CCSER1: variants seen among roughly 807,000 people sequenced by gnomAD.
The protein encoded by CCSER1 is coiled-coil serine rich protein 1.
Under a neutral mutation model 82.0 loss-of-function variants are expected in CCSER1, and 41 were observed. That is an observed-to-expected ratio of 0.50 (90% CI 0.39 to 0.65). The LOEUF (loss-of-function observed/expected upper bound fraction) is 0.65, where lower values mean the gene tolerates loss of function less well. Among genes scored for constraint, CCSER1 ranks in the 30% least tolerant of loss-of-function variants. The probability of loss-of-function intolerance (pLI) is 0.00; values close to 1 mark genes in which losing one functional copy is unlikely to be tolerated. For missense variants in CCSER1, 1,119 were observed against 1,064.2 expected, an observed-to-expected ratio of 1.05 and a Z score of -0.72; for synonymous variants, 414 against 383.9, an observed-to-expected ratio of 1.08 and a Z score of -0.92.
intron 5 of CCSER1, 33 bp from the exon 6 acceptor site, chr4:90,627,992 T>G (rs771876668): frequency 1.3e-6 from 2 of 1,546,932 alleles, no homozygotes; most frequent in Admixed American, 1.7e-5. Context: ...CATGCTGCAC[T>G]GTAATTTTTG....
At chr4:90,230,992 C>G (rs1473012548) in intron 1 of CCSER1, among the ~76,000 whole-genome samples, 5 of 152,050 alleles carry the variant, frequency 3.3e-5, no homozygotes, top group Non-Finnish European at 7.4e-5. Flanking sequence ...ACCTTACCAA[C>G]CAAAAAGAGT....
intron 9 of CCSER1, among the ~76,000 whole-genome samples, chr4:91,076,138 T>C (rs548134428): frequency 6.6e-6 from 1 of 152,280 alleles, no homozygotes; most frequent in Admixed American, 6.5e-5. Flanking sequence ...TGGAAAATCC[T>C]CTTAAGCCAT....
intron 10 of CCSER1, among the ~76,000 whole-genome samples, chr4:91,158,609 T>C (rs998441606): frequency 7.0e-6 from 1 of 143,568 alleles, no homozygotes; most frequent in Non-Finnish European, 1.5e-5. Context: ...CATTTCTCTC[T>C]CCCTCTCTTT....
At chr4:91,017,034 G>A (rs976013160) in intron 9 of CCSER1, 5 of 152,152 alleles carry the variant, frequency 3.3e-5, no homozygotes, top group African/African-American at 1.2e-4. Flanking sequence ...GCCTCCCGAG[G>A]AGACTTAATA....
intron 10 of CCSER1, among the ~76,000 whole-genome samples, chr4:91,401,281 T>C (rs957245017): frequency 6.7e-6 from 1 of 148,844 alleles, no homozygotes; most frequent in African/African-American, 2.4e-5. Context: ...CTATGCTACA[T>C]AGATATACTA....
chr4:90,173,383 G>A (rs1349745667), intron 1 of CCSER1, among the ~76,000 whole-genome samples: 1 of 151,346 alleles, frequency 6.6e-6, no homozygotes, highest in Non-Finnish European at 1.5e-5. Flanking sequence ...AAGAAGCATT[G>A]TTCTAAATGG....
chr4:90,857,203 T>C (rs1230607921), intron 8 of CCSER1, among the ~76,000 whole-genome samples: 2 of 152,092 alleles, frequency 1.3e-5, no homozygotes. Flanking sequence ...TCAGCATCTC[T>C]CATAAAGCTG....
chr4:90,606,980 A>G (rs1254451869), intron 5 of CCSER1, among the ~76,000 whole-genome samples: 1 of 152,194 alleles, frequency 6.6e-6, no homozygotes, highest in East Asian at 1.9e-4. Flanking sequence ...TAAGTTCCCT[A>G]TTTATATGTT....
intron 1 of CCSER1, among the ~76,000 whole-genome samples, chr4:90,255,991 C>T (rs1158280723): frequency 6.6e-6 from 1 of 152,136 alleles, no homozygotes; most frequent in African/African-American, 2.4e-5. Context: ...AATGATAGAA[C>T]TGTGGCATTT....
intron 10 of CCSER1, among the ~76,000 whole-genome samples, chr4:91,394,785 AAC>A (rs1263747343): frequency 5.9e-5 from 9 of 152,022 alleles, no homozygotes; most frequent in African/African-American, 1.9e-4. Flanking sequence ...TATAACAAAA[AAC>A]CTTCTAGATG....
At chr4:90,921,449 C>T (rs1025842639) in intron 8 of CCSER1, among the ~76,000 whole-genome samples, 1 of 151,930 alleles carries the variant, frequency 6.6e-6, no homozygotes, top group African/African-American at 2.4e-5. Flanking sequence ...GTAACAATGA[C>T]ATCCCTTGAA....
At chr4:90,910,327 A>G (rs1726143860) in intron 8 of CCSER1, among the ~76,000 whole-genome samples, 1 of 152,192 alleles carries the variant, frequency 6.6e-6, no homozygotes, top group Non-Finnish European at 1.5e-5. Flanking sequence ...AAAAAGCAAA[A>G]CAAAACTACA....
At chr4:90,377,827 A>G (rs971745092) in intron 3 of CCSER1, among the ~76,000 whole-genome samples, 1 of 152,154 alleles carries the variant, frequency 6.6e-6, no homozygotes. Flanking sequence ...TGATAATTAG[A>G]TAAATTAACT....
intron 7 of CCSER1, among the ~76,000 whole-genome samples, chr4:90,780,004 C>T (rs1753530185): frequency 6.6e-6 from 1 of 152,184 alleles, no homozygotes. Context: ...CTGAATTAAC[C>T]GAGCCTGGAA....
chr4:90,188,229 G>T (rs78669386), intron 1 of CCSER1, among the ~76,000 whole-genome samples: 3 of 151,560 alleles, frequency 2.0e-5, no homozygotes, highest in African/African-American at 7.3e-5. Context: ...TTCCTCTAGG[G>T]TATCTTTTAA....
chr4:91,535,693 G>C (rs1033256905), intron 10 of CCSER1, among the ~76,000 whole-genome samples: 2 of 150,346 alleles, frequency 1.3e-5, no homozygotes, highest in Admixed American at 6.6e-5. Flanking sequence ...AAAAGAAACA[G>C]TGAAAACATG....
rs571264891 is a variant in CCSER1 at position 91,020,407 on chromosome 4, C to A, written c.2173-65543C>A. On this transcript the variant is annotated intron_variant, in intron 9 of 10. Transcript: ENST00000509176. Reference sequence around the variant, plus strand: ...GCCGGGTGCGGTGGCTCACACCTGTCATCCCAGCACTTTGGGAGGCCAAGG... The same window carrying A: ...GCCGGGTGCGGTGGCTCACACCTGTAATCCCAGCACTTTGGGAGGCCAAGG... Among the ~76,000 whole-genome samples the A allele has an allele frequency of 2.6e-5, 4 of 152,198 alleles. No individual in the cohort carries two copies. The East Asian group carries it at 7.7e-4, about 29-fold the overall frequency.
intron 10 of CCSER1, among the ~76,000 whole-genome samples, chr4:91,328,325 G>C (rs1362267297): frequency 6.6e-6 from 1 of 152,208 alleles, no homozygotes; most frequent in African/African-American, 2.4e-5. Flanking sequence ...TACAATCATG[G>C]CCAAAGGTAA....
At position 91,084,830 on chromosome 4, in the gene CCSER1, G is replaced by A. The variant is rs146948059; in HGVS notation, c.2173-1120G>A. Among the ~76,000 whole-genome samples, 1,196 of 152,046 alleles carry A rather than the reference G, an allele frequency of 7.9e-3. 16 individuals are homozygous for A. Among genetic ancestry groups the A allele is most frequent in the African/African-American group, 0.026 (1,073 of 41,510 alleles). ...TAAAATAAAATGGTTTAGTTAATAT[G>A]TATGTTCATGTGTTTTTATCTAAAC... On this transcript the variant is annotated intron_variant, in intron 9 of 10. Coordinates refer to ENST00000509176, the MANE Select transcript of CCSER1 (RefSeq NM_001145065.2).
Sources: allele counts gnomAD v4.1 joint callset (sites outside exome capture counted in the v4.1 genomes callset), GRCh38; gene constraint gnomAD v4.1.1; transcripts MANE v1.5; gene names NCBI Gene and HGNC (gene_info 2026-07-23, HGNC 2026-07-21).